SERPINB12: variants seen among roughly 807,000 people sequenced by gnomAD.
SERPINB12 encodes the protein serpin family B member 12.
SERPINB12 carries 57 observed loss-of-function variants against 41.1 expected under a neutral mutation model. That is an observed-to-expected ratio of 1.39 (90% CI 1.12 to 1.73). The LOEUF (loss-of-function observed/expected upper bound fraction) is 1.73, where lower values mean the gene tolerates loss of function less well. Among genes scored for constraint, SERPINB12 ranks in the 40% most tolerant of loss-of-function variants. The pLI is 0.00. For synonymous variants in SERPINB12, 180 were observed against 181.3 expected, an observed-to-expected ratio of 0.99 and a Z score of 0.06; for missense variants, 536 against 501.9, an observed-to-expected ratio of 1.07 and a Z score of -0.65.
At chr18:63,519,935 C>G in the SERPINB12 span, among the ~76,000 whole-genome samples, 1 of 152,270 alleles carries the variant, frequency 6.6e-6, no homozygotes, top group Admixed American at 6.5e-5. Context: ...AAACTCAGCC[C>G]CGTGGGGCTG....
intron 5 of SERPINB12, among the ~76,000 whole-genome samples, chr18:63,562,400 C>T (rs1411771755): frequency 6.6e-6 from 1 of 152,200 alleles, no homozygotes; most frequent in East Asian, 1.9e-4. Flanking sequence ...TGTCTCCTGC[C>T]TTCAGAGTGA....
At chr18:63,559,847 G>A in intron 4 of SERPINB12, 129 bp downstream of exon 4, 2 of 910,808 alleles carry the variant, frequency 2.2e-6, no homozygotes, top group Non-Finnish European at 3.3e-6. Flanking sequence ...CTGTGGACTG[G>A]TGAGGTGTCC....
At chr18:63,533,470 T>C in the SERPINB12 span, among the ~76,000 whole-genome samples, 1 of 152,236 alleles carries the variant, frequency 6.6e-6, no homozygotes, top group Non-Finnish European at 1.5e-5. Context: ...ATGCCGAGTC[T>C]GAAATTATAG....
At chr18:63,526,381 C>T in the SERPINB12 span, among the ~76,000 whole-genome samples, 1 of 152,132 alleles carries the variant, frequency 6.6e-6, no homozygotes, top group Admixed American at 6.6e-5. Flanking sequence ...GATCATAGTT[C>T]ACTGCAGCCT....
chr18:63,547,483 A>G (rs1910415053), intron 1 of SERPINB12, among the ~76,000 whole-genome samples: 1 of 152,180 alleles, frequency 6.6e-6, no homozygotes, highest in Non-Finnish European at 1.5e-5. Flanking sequence ...TTGTTCCAGC[A>G]GAATAGCATC....
chr18:63,528,776 A>G, the SERPINB12 span, among the ~76,000 whole-genome samples: 11 of 152,168 alleles, frequency 7.2e-5, no homozygotes, highest in Admixed American at 5.9e-4. Context: ...TAGAAGCTAG[A>G]GTACTCTCCA....
chr18:63,520,446 G>A, the SERPINB12 span, among the ~76,000 whole-genome samples: 1 of 152,234 alleles, frequency 6.6e-6, no homozygotes, highest in Non-Finnish European at 1.5e-5. Context: ...TGTGTCAGTG[G>A]AGAATGAGTC....
At chr18:63,543,311 A>G (rs1402482038) in intron 1 of SERPINB12, among the ~76,000 whole-genome samples, 2 of 152,168 alleles carry the variant, frequency 1.3e-5, no homozygotes, top group Non-Finnish European at 2.9e-5. Context: ...AAAGGCTCTA[A>G]CCCTAACCTG....
chr18:63,559,864 TC>T, intron 4 of SERPINB12, 146 bp downstream of exon 4: 2 of 739,164 alleles, frequency 2.7e-6, no homozygotes, highest in Non-Finnish European at 2.2e-6. Context: ...GTCCAGGACC[TC>T]CCTCTTTCAG....
rs76094821 is a variant in SERPINB12 at position 63,553,606 on chromosome 18, C to G, written c.-18-2536C>G. On this transcript the variant is annotated intron_variant, in intron 1 of 7. Transcript: ENST00000382768. ...TCTTGTCTTCTTTTAATAGTGATGG[C>G]CAAATTGCCAGGATTCCCTTTACCT... is the stretch of plus-strand genomic sequence containing the variant. Among the ~76,000 whole-genome samples, 4,341 of 152,184 alleles carry G rather than the reference C, an allele frequency of 0.029. 290 individuals are homozygous for G. In the East Asian group the frequency reaches 0.29, roughly 10 times the overall value.
rs1426858825 is a variant in SERPINB12 at position 63,567,131 on chromosome 18, C to T, written c.*120C>T. On this transcript the variant is annotated 3_prime_UTR_variant, in exon 8 of 8. Coordinates refer to ENST00000382768, the MANE Select transcript of SERPINB12 (RefSeq NM_001307928.2). The stretch of plus-strand genomic sequence containing the variant: ...TAAAGCATCTCCTTCATCCTCCAGC[C>T]ATCGGCTTGTGCTTATCTTGATCTT... 2 of 968,922 alleles carry T rather than the reference C, an allele frequency of 2.1e-6. No individual in the cohort carries two copies. Among genetic ancestry groups the T allele is most frequent in the Non-Finnish European group, 3.0e-6 (2 of 666,492 alleles). The allele number at this position is 968,922 out of a possible 1,614,324, so 60.0% of individuals were successfully genotyped here.
At chr18:63,561,247 A>G (rs776052547) in intron 5 of SERPINB12, 45 bp downstream of exon 5, 1 of 1,255,860 alleles carries the variant, frequency 8.0e-7, no homozygotes, top group Admixed American at 1.8e-5. Context: ...GTTTCCATTT[A>G]AAAGAAAATT....
rs79813391 is a variant in SERPINB12 at position 63,568,297 on chromosome 18, C to T, written c.*1286C>T. 0.031 allele frequency among the ~76,000 whole-genome samples: 4,728 copies of T among 152,228 alleles called. 241 individuals carry two copies. Among genetic ancestry groups the T allele is most frequent in the African/African-American group, 0.11 (4,467 of 41,510 alleles). The stretch of plus-strand genomic sequence containing the variant: ...TCGGGAGGCTGAGGTGGGAAGATCA[C>T]TTGAACCCAGGGGATGGAGGCTGCA... On this transcript the variant is annotated 3_prime_UTR_variant, in exon 8 of 8. Transcript: ENST00000382768.
At chr18:63,543,149 G>A (rs527676056) in intron 1 of SERPINB12, among the ~76,000 whole-genome samples, 16 of 152,124 alleles carry the variant, frequency 1.1e-4, no homozygotes, top group Non-Finnish European at 2.1e-4. Flanking sequence ...GACTTATTAG[G>A]AATGAATGAG....
Position 63,565,509 on chromosome 18 carries a change from AG to A in SERPINB12, c.772del (p.Val258Ter), listed in dbSNP as rs1170048382. ...CTCTACAGAATTGGCTTCATAGAGG[AG>A]GTGAAGGCACAGATCCTGGAAATGA... ...KGLYRIGFIE[E>X]VKAQILEMRY... On this transcript the variant is annotated frameshift_variant, in exon 7 of 8. Transcript: ENST00000382768. LOFTEE classifies it high-confidence loss of function. The A allele has an allele frequency of 6.2e-7, 1 of 1,614,058 alleles. No individual in the cohort carries two copies. Among genetic ancestry groups the A allele is most frequent in the Non-Finnish European group, 8.5e-7 (1 of 1,179,936 alleles).
chr18:63,568,010 C>T lies in SERPINB12; in HGVS notation c.*999C>T, dbSNP rs570127361. Among the ~76,000 whole-genome samples, 6 of 152,270 alleles carry T rather than the reference C, an allele frequency of 3.9e-5. No individual in the cohort carries two copies. In the South Asian group the frequency reaches 1.2e-3, roughly 32 times the overall value. On this transcript the variant is annotated 3_prime_UTR_variant, in exon 8 of 8. Coordinates refer to ENST00000382768, the MANE Select transcript of SERPINB12 (RefSeq NM_001307928.2). ...TCTCTCTGCCTTCTGGCCACGTGGACTTTTGTGTCTTCCGAGAGGTCTCAT... is the reference window on the plus strand; with the variant it reads ...TCTCTCTGCCTTCTGGCCACGTGGATTTTTGTGTCTTCCGAGAGGTCTCAT...
chr18:63,559,024 T>C (rs1285412789), intron 3 of SERPINB12, among the ~76,000 whole-genome samples: 18 of 67,008 alleles, frequency 2.7e-4, no homozygotes, highest in African/African-American at 6.0e-4. Flanking sequence ...CTTTCTTTCT[T>C]TCTTTCTTTC....
At chr18:63,534,891 G>A in the SERPINB12 span, among the ~76,000 whole-genome samples, 2 of 152,140 alleles carry the variant, frequency 1.3e-5, no homozygotes, top group South Asian at 2.1e-4. Context: ...AACACATTAT[G>A]ACCAACAAAA....
the SERPINB12 span, among the ~76,000 whole-genome samples, chr18:63,525,662 T>A: frequency 6.6e-6 from 1 of 152,184 alleles, no homozygotes; most frequent in East Asian, 1.9e-4. Context: ...AGTTTATTTA[T>A]AAATATTTAT....
Sources: allele counts gnomAD v4.1 joint callset (sites outside exome capture counted in the v4.1 genomes callset), GRCh38; gene constraint gnomAD v4.1.1; transcripts MANE v1.5; gene names NCBI Gene and HGNC (gene_info 2026-07-23, HGNC 2026-07-21).